The following CPE variants were observed in gnomAD, a reference collection of about 807,000 sequenced individuals.
CPE encodes carbocypeptidase E.
CPE carries 17 observed loss-of-function variants against 53.5 expected under a neutral mutation model. The ratio of observed to expected loss-of-function variants is 0.32; its 90% confidence interval spans 0.22 to 0.48. The LOEUF (loss-of-function observed/expected upper bound fraction) is 0.48. Among genes scored for constraint, CPE ranks in the 20% least tolerant of loss-of-function variants. CPE has a pLI of 0.99. For synonymous variants in CPE, 226 were observed against 228.8 expected (o/e 0.99, Z 0.11); for missense variants, 524 against 614.7 (o/e 0.85, Z 1.56).
intron 1 of CPE, among the ~76,000 whole-genome samples, chr4:165,441,338 C>T (rs1273662015): frequency 1.1e-4 from 16 of 152,026 alleles, no homozygotes; most frequent in Admixed American, 1.0e-3. Flanking sequence ...CTTAACAGGC[C>T]AGATTAATAG....
rs768310022 is a variant in CPE at position 165,493,212 on chromosome 4, T to A, written c.1155T>A (p.Gly385=). 1.9e-6 allele frequency: 3 copies of A among 1,614,118 alleles called. No individual in the cohort carries two copies. In the Admixed American group the frequency reaches 5.0e-5, roughly 27 times the overall value. The change falls in exon 7 of 9, where the codon GGT becomes GGA. Residue 385 remains glycine (G), a synonymous_variant. Transcript: ENST00000402744. ...GVKGFVRDLQ[G]NPIANATISV... Reference sequence around the variant, plus strand: ...AAGGATTTGTCCGAGACCTTCAAGGTAACCCAATTGCGAATGCCACCATCT... The same window carrying A: ...AAGGATTTGTCCGAGACCTTCAAGGAAACCCAATTGCGAATGCCACCATCT...
chr4:165,452,086 T>C (rs1731821830), intron 1 of CPE, among the ~76,000 whole-genome samples: 1 of 152,040 alleles, frequency 6.6e-6, no homozygotes. Context: ...TGTTGTCACA[T>C]GTGTGCAAGA....
chr4:165,456,369 AATG>A (rs1731901489), intron 1 of CPE, among the ~76,000 whole-genome samples: 1 of 152,186 alleles, frequency 6.6e-6, no homozygotes. Context: ...TTGAATTCAT[AATG>A]ATGCAGTGCT....
intron 1 of CPE, among the ~76,000 whole-genome samples, chr4:165,429,017 G>A (rs1731366070): frequency 6.6e-6 from 1 of 152,104 alleles, no homozygotes; most frequent in Non-Finnish European, 1.5e-5. Context: ...TACTCTTTCT[G>A]TTAATCAATT....
chr4:165,405,980 T>A (rs1730946686), intron 1 of CPE: 3 of 742,216 alleles, frequency 4.0e-6, no homozygotes, highest in Admixed American at 3.5e-5. Context: ...TCTCTGTGCT[T>A]CTTGTGGTAT....
chr4:165,402,685 C>T (rs776937496), intron 1 of CPE, among the ~76,000 whole-genome samples: 18 of 152,230 alleles, frequency 1.2e-4, no homozygotes, highest in Admixed American at 2.6e-4. Flanking sequence ...AAGCACCATG[C>T]TTGTACAGCC....
At chr4:165,438,762 G>A (rs910326953) in intron 1 of CPE, among the ~76,000 whole-genome samples, 2 of 152,196 alleles carry the variant, frequency 1.3e-5, no homozygotes, top group Non-Finnish European at 2.9e-5. Context: ...GCTAATGCCA[G>A]CTTCTTTGAC....
rs1415508403 is a variant in CPE at position 165,404,152 on chromosome 4, C to G, written c.307+24624C>G. The G allele has an allele frequency of 6.5e-5, 50 of 765,836 alleles. 1 individual carries two copies. The Middle Eastern group carries it at 1.8e-3, about 28-fold the overall frequency. 47.4% of individuals were successfully genotyped at this position (765,836 alleles called of 1,614,324 possible). On this transcript the variant is annotated intron_variant, in intron 1 of 8. Coordinates refer to ENST00000402744, the MANE Select transcript of CPE (RefSeq NM_001873.4). ...ACTCTTTTCCATAGGCAGCCTCATA[C>G]TTCTTGAGCCGGTCCACTATCTTCT...
At chr4:165,442,606 T>A (rs1731632695) in intron 1 of CPE, among the ~76,000 whole-genome samples, 1 of 152,104 alleles carries the variant, frequency 6.6e-6, no homozygotes, top group Admixed American at 6.6e-5. Flanking sequence ...TTAAATTAAT[T>A]AAAATTAAGA....
At chr4:165,389,605 G>A (rs192904277) in intron 1 of CPE, among the ~76,000 whole-genome samples, 1 of 152,270 alleles carries the variant, frequency 6.6e-6, no homozygotes, top group Admixed American at 6.5e-5. Context: ...TTCCTCCCTG[G>A]AGAACAGTCC....
intron 1 of CPE, among the ~76,000 whole-genome samples, chr4:165,446,650 G>C (rs1278256076): frequency 6.6e-6 from 1 of 152,150 alleles, no homozygotes; most frequent in Non-Finnish European, 1.5e-5. Context: ...GCCCGGCCTA[G>C]AGTTATTTTC....
chr4:165,421,758 A>G (rs1327077311), intron 1 of CPE, among the ~76,000 whole-genome samples: 1 of 152,232 alleles, frequency 6.6e-6, no homozygotes, highest in Non-Finnish European at 1.5e-5. Flanking sequence ...CAAATTACAT[A>G]AACAGAAAGG....
chr4:165,483,056 T>C, intron 4 of CPE, among the ~76,000 whole-genome samples: 1 of 151,912 alleles, frequency 6.6e-6, no homozygotes, highest in Non-Finnish European at 1.5e-5. Flanking sequence ...GTTACACGGA[T>C]ATATTACATA....
chr4:165,404,948 T>C (rs1327944718), intron 1 of CPE: 1 of 758,910 alleles, frequency 1.3e-6, no homozygotes. Flanking sequence ...AGCAAAGACG[T>C]AGTGATCTGG....
At chr4:165,447,166 G>A (rs1560885188) in intron 1 of CPE, among the ~76,000 whole-genome samples, 1 of 152,228 alleles carries the variant, frequency 6.6e-6, no homozygotes, top group Non-Finnish European at 1.5e-5. Context: ...ACTGAAAGTT[G>A]CTCTGGGTGA....
intron 6 of CPE, among the ~76,000 whole-genome samples, chr4:165,488,179 TATC>T (rs540174123): frequency 6.6e-6 from 1 of 152,132 alleles, no homozygotes; most frequent in Non-Finnish European, 1.5e-5. Context: ...TGAGGGAAAT[TATC>T]ATCATCATCA....
chr4:165,425,914 C>T (rs768614388), intron 1 of CPE, among the ~76,000 whole-genome samples: 2 of 152,126 alleles, frequency 1.3e-5, no homozygotes, highest in African/African-American at 2.4e-5. Context: ...ATGATCTGGT[C>T]CCAAATATCA....
At chr4:165,423,049 G>T (rs1361846935) in intron 1 of CPE, among the ~76,000 whole-genome samples, 1 of 151,684 alleles carries the variant, frequency 6.6e-6, no homozygotes, top group Non-Finnish European at 1.5e-5. Flanking sequence ...GAAGGGAGGG[G>T]TGTTCCAGAT....
Position 165,419,731 on chromosome 4 carries a change from G to C in CPE, c.307+40203G>C, listed in dbSNP as rs11947495. Among the ~76,000 whole-genome samples, 862 of 152,244 alleles carry C rather than the reference G, an allele frequency of 5.7e-3. 8 individuals carry two copies. Among genetic ancestry groups the C allele is most frequent in the African/African-American group, 0.02 (819 of 41,550 alleles). On this transcript the variant is annotated intron_variant, in intron 1 of 8. Coordinates refer to ENST00000402744, the MANE Select transcript of CPE (RefSeq NM_001873.4). ...CCTTGTCCTTTGCACTTGTCCAAGA[G>C]TGGTCCCCAGGCACAAACATGCATG...
Sources: allele counts gnomAD v4.1 joint callset (sites outside exome capture counted in the v4.1 genomes callset), GRCh38; gene constraint gnomAD v4.1.1; transcripts MANE v1.5; gene names NCBI Gene and HGNC (gene_info 2026-07-23, HGNC 2026-07-21).